Variants in NDC1 observed in about 807,000 individuals in gnomAD.
The protein encoded by NDC1 is NDC1 transmembrane nucleoporin, also known as nucleoporin NDC1.
NDC1 carries 24 observed loss-of-function variants against 89.8 expected under a neutral mutation model. That is an observed-to-expected ratio of 0.27 (90% CI 0.19 to 0.38). The LOEUF (loss-of-function observed/expected upper bound fraction) is 0.38, where lower values mean the gene tolerates loss of function less well. Among genes scored for constraint, NDC1 ranks in the 10% least tolerant of loss-of-function variants. The probability of loss-of-function intolerance (pLI) is 1.00; values close to 1 mark genes in which losing one functional copy is unlikely to be tolerated. For synonymous variants in NDC1, 296 were observed against 284.8 expected (o/e 1.04, Z -0.39); for missense variants, 728 against 797.6 (o/e 0.91, Z 1.05).
chr1:53,770,592 C>T (rs1049388329), intron 17 of NDC1, among the ~76,000 whole-genome samples: 3 of 151,952 alleles, frequency 2.0e-5, no homozygotes, highest in South Asian at 2.1e-4. Flanking sequence ...CAGCCATGAG[C>T]CTCTGCAACC....
intron 16 of NDC1, among the ~76,000 whole-genome samples, chr1:53,783,261 C>CA (rs1647233126): frequency 6.6e-6 from 1 of 151,580 alleles, no homozygotes; most frequent in South Asian, 2.1e-4. Flanking sequence ...CTGAATTACT[C>CA]ATTACAATCA....
At chr1:53,772,808 T>C (rs1461054383) in intron 16 of NDC1, among the ~76,000 whole-genome samples, 1 of 151,144 alleles carries the variant, frequency 6.6e-6, no homozygotes, top group Non-Finnish European at 1.5e-5. Flanking sequence ...AGAATTAAGA[T>C]TTGAGATAGA....
At chr1:53,785,723 C>A (rs1647286655) in intron 16 of NDC1, among the ~76,000 whole-genome samples, 1 of 151,996 alleles carries the variant, frequency 6.6e-6, no homozygotes, top group Non-Finnish European at 1.5e-5. Flanking sequence ...TAGGTGCGCA[C>A]CACCACACCT....
At chr1:53,775,142 T>C (rs1196596898) in intron 16 of NDC1, among the ~76,000 whole-genome samples, 1 of 152,230 alleles carries the variant, frequency 6.6e-6, no homozygotes, top group African/African-American at 2.4e-5. Context: ...CTGGTTCTTT[T>C]TCTTGCATTT....
rs759180095 is a variant in NDC1, at chr1:53,809,713, A to C, written c.737T>G (p.Met246Arg). ...CACTTACTCATCTATGTGAAGGTTC[A>C]TAGCAGTGCTAATCCAAGCTTTGGG... is the stretch of plus-strand genomic sequence containing the variant. ...YIPKAWISTAMNLHIDEQVHR... is the reference protein window; with the variant it reads ...YIPKAWISTARNLHIDEQVHR... The change falls in exon 7 of 18, where the codon ATG (methionine) becomes AGG (arginine). Residue 246 changes from methionine (M) to arginine (R), a missense_variant. Physicochemically the swap from Met to Arg is moderately conservative, Grantham distance 91. Coordinates refer to ENST00000371429, the MANE Select transcript of NDC1 (RefSeq NM_018087.5). 20 of 1,611,872 alleles carry C rather than the reference A, an allele frequency of 1.2e-5. No individual in the cohort carries two copies. The Admixed American group carries it at 1.3e-4, about 11-fold the overall frequency.
chr1:53,786,028 G>A (rs907168865), intron 16 of NDC1, among the ~76,000 whole-genome samples: 3 of 152,040 alleles, frequency 2.0e-5, no homozygotes, highest in African/African-American at 7.2e-5. Context: ...GGGTTCAAGC[G>A]ATTCTCCTGC....
chr1:53,819,900 T>C (rs182948711), intron 5 of NDC1, among the ~76,000 whole-genome samples: 1 of 151,974 alleles, frequency 6.6e-6, no homozygotes, highest in Non-Finnish European at 1.5e-5. Flanking sequence ...GAAAGAAGAA[T>C]TGTCTTGGGT....
At position 53,767,461 on chromosome 1, in the gene NDC1, T is replaced by C. The variant is rs1647075126; in HGVS notation, c.*509A>G. The C allele has an allele frequency of 6.6e-6, 1 of 152,110 alleles. No homozygotes were observed. The highest frequency in any genetic ancestry group is 2.4e-5 in the African/African-American group (1 of 41,352). 9.4% of individuals were successfully genotyped at this position (152,110 alleles called of 1,614,324 possible). On this transcript the variant is annotated 3_prime_UTR_variant, in exon 18 of 18. Coordinates refer to ENST00000371429, the MANE Select transcript of NDC1 (RefSeq NM_018087.5). ...CCCAACCTAACAGATTAACAAAATA[T>C]GTCCGTTAGACAATATTTTTTGTGA...
intron 17 of NDC1, among the ~76,000 whole-genome samples, chr1:53,768,926 A>G (rs1244325614): frequency 2.0e-5 from 3 of 152,126 alleles, no homozygotes; most frequent in Non-Finnish European, 4.4e-5. Context: ...TGGCTTTCCC[A>G]TTATATTTCT....
chr1:53,777,887 G>T (rs1022298624), intron 16 of NDC1, among the ~76,000 whole-genome samples: 4 of 152,058 alleles, frequency 2.6e-5, no homozygotes, highest in Admixed American at 1.3e-4. Flanking sequence ...AAATTTTGTT[G>T]TTGCTGTTGT....
At chr1:53,827,815 CATA>C (rs1648921460) in intron 4 of NDC1, among the ~76,000 whole-genome samples, 181 bp downstream of exon 4, 1 of 152,168 alleles carries the variant, frequency 6.6e-6, no homozygotes, top group African/African-American at 2.4e-5. Context: ...GCACCTTGCA[CATA>C]ATAAATTTTT....
intron 16 of NDC1, among the ~76,000 whole-genome samples, chr1:53,784,367 G>T (rs944003775): frequency 1.3e-5 from 2 of 152,152 alleles, no homozygotes; most frequent in African/African-American, 4.8e-5. Context: ...AAGGGATGTG[G>T]ATCAAGCCAG....
intron 8 of NDC1, 28 bp downstream of exon 8, chr1:53,807,628 T>C: frequency 6.3e-7 from 1 of 1,581,210 alleles, no homozygotes. Context: ...CACAAAAGTA[T>C]TAAGAAAAAA....
At chr1:53,780,501 C>T (rs962797049) in intron 16 of NDC1, among the ~76,000 whole-genome samples, 7 of 152,098 alleles carry the variant, frequency 4.6e-5, no homozygotes, top group African/African-American at 1.2e-4. Context: ...CATTCTGTAT[C>T]GTATCACATG....
intron 3 of NDC1, among the ~76,000 whole-genome samples, chr1:53,830,840 C>A (rs2100694510): frequency 6.6e-6 from 1 of 150,846 alleles, no homozygotes; most frequent in Admixed American, 6.6e-5. Context: ...CCAGCCTGGG[C>A]AACAAGAGTG....
intron 16 of NDC1, among the ~76,000 whole-genome samples, chr1:53,785,369 T>C (rs1647277994): frequency 6.6e-6 from 1 of 152,190 alleles, no homozygotes; most frequent in Non-Finnish European, 1.5e-5. Flanking sequence ...TAGGAAACTA[T>C]TTATTTACAG....
chr1:53,816,535 C>T (rs1041073629), intron 6 of NDC1, among the ~76,000 whole-genome samples: 1 of 151,692 alleles, frequency 6.6e-6, no homozygotes, highest in African/African-American at 2.4e-5. Flanking sequence ...TAGACATTGG[C>T]TTAGGCAAGG....
Position 53,803,956 on chromosome 1 carries a change from T to C in NDC1, c.1038A>G (p.Arg346=), listed in dbSNP as rs1557578673. The change falls in exon 10 of 18, where the codon AGA becomes AGG. Residue 346 remains arginine, a synonymous_variant. Coordinates refer to ENST00000371429, the MANE Select transcript of NDC1 (RefSeq NM_018087.5). ...MLLSQYSPSR[R]QEVFSLSQPG... is the part of the protein sequence containing the mutation. ...GTTGGCTGAGGCTGAAAACTTCTTG[T>C]CTTCGTGAAGGAGAATATTGAGAAA... 8.1e-6 allele frequency: 13 copies of C among 1,613,992 alleles called. No homozygotes were observed. The highest frequency in any genetic ancestry group is 1.1e-5 in the Non-Finnish European group (13 of 1,179,956).
chr1:53,773,787 C>T (rs1378436576), intron 16 of NDC1, among the ~76,000 whole-genome samples: 1 of 152,128 alleles, frequency 6.6e-6, no homozygotes. Flanking sequence ...GGCTTTGGAA[C>T]TCATCCCTCT....
Sources: allele counts gnomAD v4.1 joint callset (sites outside exome capture counted in the v4.1 genomes callset), GRCh38; gene constraint gnomAD v4.1.1; transcripts MANE v1.5; gene names NCBI Gene and HGNC (gene_info 2026-07-23, HGNC 2026-07-21).